LNPK: variants seen among roughly 807,000 people sequenced by gnomAD.
LNPK encodes endoplasmic reticulum junction formation protein lunapark.
Under a neutral mutation model 55.2 loss-of-function variants are expected in LNPK, and 29 were observed. The observed-to-expected ratio is 0.53, with a 90% CI of 0.39 to 0.72. LNPK has a LOEUF of 0.72. LNPK is among the 30% of genes least tolerant of loss of function. The pLI is 0.00. For synonymous variants in LNPK, 162 were observed against 168.2 expected, an observed-to-expected ratio of 0.96 and a Z score of 0.29; for missense variants, 467 against 494.8, an observed-to-expected ratio of 0.94 and a Z score of 0.53.
At chr2:175,944,492 G>A (rs1299547158) in intron 9 of LNPK, among the ~76,000 whole-genome samples, 1 of 152,030 alleles carries the variant, frequency 6.6e-6, no homozygotes, top group Non-Finnish European at 1.5e-5. Flanking sequence ...ATTTGCAGGA[G>A]ATACTCTGAA....
At chr2:175,948,188 C>T (rs1421046994) in intron 8 of LNPK, among the ~76,000 whole-genome samples, 3 of 152,164 alleles carry the variant, frequency 2.0e-5, no homozygotes, top group Non-Finnish European at 4.4e-5. Context: ...GGTACCATTT[C>T]CATTCTCCTT....
chr2:175,965,968 T>C lies in LNPK; in HGVS notation c.358-1379A>G, dbSNP rs557881214. ...GTAAAACTTTATGTAATGATGAAAA[T>C]GGTCTATGTCAGCGTAATAGTAGCC... is the stretch of plus-strand genomic sequence containing the variant. On this transcript the variant is annotated intron_variant, in intron 6 of 12. Coordinates refer to ENST00000272748, the MANE Select transcript of LNPK (RefSeq NM_030650.3). Among the ~76,000 whole-genome samples, 3 of 152,336 alleles carry C rather than the reference T, an allele frequency of 2.0e-5. No individual in the cohort carries two copies. The South Asian group carries it at 6.2e-4, about 32-fold the overall frequency.
chr2:175,977,205 C>T (rs138938716), intron 5 of LNPK, among the ~76,000 whole-genome samples: 155 of 152,284 alleles, frequency 1.0e-3, no homozygotes, highest in African/African-American at 3.3e-3. Flanking sequence ...TAGGCAATAT[C>T]TGAATCTGTG....
intron 9 of LNPK, among the ~76,000 whole-genome samples, chr2:175,942,020 T>C (rs1468227394): frequency 6.6e-6 from 1 of 151,872 alleles, no homozygotes; most frequent in East Asian, 1.9e-4. Context: ...TGAAGACTTT[T>C]ACAGATATAC....
At chr2:175,996,822 A>T (rs1687955941) in intron 1 of LNPK, among the ~76,000 whole-genome samples, 1 of 152,182 alleles carries the variant, frequency 6.6e-6, no homozygotes, top group African/African-American at 2.4e-5. Context: ...ACTCAACAAT[A>T]TTATATTCTA....
chr2:176,001,666 T>A (rs917347088), intron 1 of LNPK, among the ~76,000 whole-genome samples: 1 of 152,054 alleles, frequency 6.6e-6, no homozygotes, highest in African/African-American at 2.4e-5. Context: ...CAGTTTTCAG[T>A]CCCTTCTGGT....
intron 1 of LNPK, among the ~76,000 whole-genome samples, chr2:175,998,336 C>T (rs1003997072): frequency 6.6e-6 from 1 of 150,786 alleles, no homozygotes; most frequent in Non-Finnish European, 1.5e-5. Flanking sequence ...CCCAGCTACT[C>T]GGGAGGCTGA....
chr2:176,001,771 C>A (rs916471501), intron 1 of LNPK, among the ~76,000 whole-genome samples: 4 of 152,150 alleles, frequency 2.6e-5, no homozygotes, highest in African/African-American at 4.8e-5. Context: ...TAGTTTGGGA[C>A]CTTCTGACCT....
chr2:175,952,758 C>T (rs1203818946), intron 8 of LNPK, among the ~76,000 whole-genome samples: 3 of 151,970 alleles, frequency 2.0e-5, no homozygotes, highest in African/African-American at 7.2e-5. Flanking sequence ...GGTTTTTGTG[C>T]TCCTTTTTAG....
Position 175,963,607 on chromosome 2 carries a change from G to A in LNPK, c.493+765C>T, listed in dbSNP as rs541512896. Among the ~76,000 whole-genome samples the A allele has an allele frequency of 9.2e-5, 14 of 152,208 alleles. No individual in the cohort carries two copies. The East Asian group carries it at 2.1e-3, about 23-fold the overall frequency. On this transcript the variant is annotated intron_variant, in intron 8 of 12. Transcript: ENST00000272748. ...TTGGGAGATATACCTAATGCTAGAT[G>A]ACAAGTTAGTGGGTGCAGTGCACCA...
At chr2:175,936,250 G>A (rs1684540519) in intron 12 of LNPK, among the ~76,000 whole-genome samples, 1 of 152,014 alleles carries the variant, frequency 6.6e-6, no homozygotes, top group African/African-American at 2.4e-5. Context: ...ATATTTGTTA[G>A]TAAGCCAAAA....
Position 175,929,085 on chromosome 2 carries a change from G to A in LNPK, c.*882C>T, listed in dbSNP as rs1379660390. Reference sequence around the variant, plus strand: ...TAGCCAAGTCACCCACCAAGATACTGTTTGAAGAAGACTAGATATTTAGCA... The same window carrying A: ...TAGCCAAGTCACCCACCAAGATACTATTTGAAGAAGACTAGATATTTAGCA... On this transcript the variant is annotated 3_prime_UTR_variant, in exon 13 of 13. Coordinates refer to ENST00000272748, the MANE Select transcript of LNPK (RefSeq NM_030650.3). 5.1e-6 allele frequency: 5 copies of A among 983,974 alleles called. No individual in the cohort carries two copies. Among genetic ancestry groups the A allele is most frequent in the Non-Finnish European group, 6.0e-6 (5 of 828,470 alleles). 61.0% of individuals were successfully genotyped at this position (983,974 alleles called of 1,614,324 possible).
chr2:175,990,189 C>G (rs1687637762), intron 4 of LNPK, among the ~76,000 whole-genome samples: 1 of 152,138 alleles, frequency 6.6e-6, no homozygotes, highest in Admixed American at 6.5e-5. Context: ...GGAGGTGGGG[C>G]CTAATGGGAG....
chr2:175,985,717 G>A (rs928150309), intron 4 of LNPK, among the ~76,000 whole-genome samples: 3 of 152,012 alleles, frequency 2.0e-5, no homozygotes, highest in African/African-American at 7.2e-5. Context: ...TAGGTATAGG[G>A]ATTTAATTTA....
intron 4 of LNPK, among the ~76,000 whole-genome samples, chr2:175,987,072 A>T (rs1359045022): frequency 6.6e-6 from 1 of 152,206 alleles, no homozygotes; most frequent in Non-Finnish European, 1.5e-5. Flanking sequence ...GAATCAACCA[A>T]AAAAATTATT....
chr2:175,930,168 A>G lies in LNPK; in HGVS notation c.1086T>C (p.Asn362=), dbSNP rs763375521. ...ESLEHDVLDD[N]TEQTDDKIPA... ...GTATTTTGTCATCTGTCTGCTCTGT[A>G]TTATCATCAAGAACATCGTGTTCTA... Residue 362 remains asparagine (N), a synonymous_variant, in exon 13 of 13, where the codon AAT becomes AAC. Transcript: ENST00000272748. 5 of 1,612,880 alleles carry G rather than the reference A, an allele frequency of 3.1e-6. No homozygotes were observed. Among genetic ancestry groups the G allele is most frequent in the Admixed American group, 1.7e-5 (1 of 59,990 alleles).
chr2:175,977,017 G>C (rs149207804), intron 5 of LNPK, among the ~76,000 whole-genome samples: 2 of 152,312 alleles, frequency 1.3e-5, no homozygotes, highest in African/African-American at 4.8e-5. Context: ...GGGAAGAGCA[G>C]ACATGAGGGA....
At chr2:175,975,521 G>A (rs889308239) in intron 5 of LNPK, among the ~76,000 whole-genome samples, 1 of 152,092 alleles carries the variant, frequency 6.6e-6, no homozygotes, top group African/African-American at 2.4e-5. Flanking sequence ...TTTTGACATA[G>A]GCATACAATG....
intron 12 of LNPK, among the ~76,000 whole-genome samples, chr2:175,933,698 C>T (rs145813716): frequency 3.7e-3 from 562 of 150,146 alleles, no homozygotes; most frequent in Non-Finnish European, 4.4e-3. Context: ...AATTATTTAC[C>T]ATTTCTGAGC....
Sources: allele counts gnomAD v4.1 joint callset (sites outside exome capture counted in the v4.1 genomes callset), GRCh38; gene constraint gnomAD v4.1.1; transcripts MANE v1.5; gene names NCBI Gene and HGNC (gene_info 2026-07-23, HGNC 2026-07-21).